The following KIF17 variants were observed in gnomAD, a reference collection of about 807,000 sequenced individuals.
KIF17 encodes the protein kinesin-like protein KIF17.
KIF17 carries 80 observed loss-of-function variants against 96.8 expected under a neutral mutation model. The ratio of observed to expected loss-of-function variants is 0.83; its 90% CI spans 0.69 to 1.00. The LOEUF (loss-of-function observed/expected upper bound fraction) is 1.00, where lower values mean the gene tolerates loss of function less well. Among genes scored for constraint, KIF17 ranks in the 50% least tolerant of loss-of-function variants. KIF17 has a pLI of 0.00. For synonymous variants in KIF17, 567 were observed against 587.5 expected, an observed-to-expected ratio of 0.97 and a Z score of 0.51; for missense variants, 1,280 against 1,372.9, an observed-to-expected ratio of 0.93 and a Z score of 1.07.
chr1:20,691,079 T>C (rs2054032150), intron 6 of KIF17, among the ~76,000 whole-genome samples: 1 of 151,592 alleles, frequency 6.6e-6, no homozygotes, highest in Non-Finnish European at 1.5e-5. Flanking sequence ...GGCAGATCGC[T>C]TGAGGCCAGG....
In KIF17 at chr1:20,704,664, G is replaced by A; in HGVS notation, c.906C>T (p.Gly302=). 1 of 1,614,130 alleles carries A rather than the reference G, an allele frequency of 6.2e-7. No homozygotes were observed. Among genetic ancestry groups the A allele is most frequent in the Non-Finnish European group, 8.5e-7 (1 of 1,179,998 alleles). ...LTRLLQDSLG[G]NTKTLMVACL... is the part of the protein sequence containing the mutation. Reference sequence around the variant, plus strand: ...AGGCCACCATGAGCGTCTTGGTGTTGCCGCCCAGTGAGTCCTGCAGCAGCC... The same window carrying A: ...AGGCCACCATGAGCGTCTTGGTGTTACCGCCCAGTGAGTCCTGCAGCAGCC... The change falls in exon 5 of 15, where the codon GGC becomes GGT. Residue 302 remains glycine (G), a synonymous_variant. Transcript: ENST00000400463. The surrounding 1 kb of genome is among the most constrained non-coding windows in gnomAD (Gnocchi z 6.8).
In KIF17 at chr1:20,665,391, C is replaced by G. The variant is rs545410190; in HGVS notation, c.2909-629G>C. Among the ~76,000 whole-genome samples, 15 of 125,018 alleles carry G rather than the reference C, an allele frequency of 1.2e-4. No homozygotes were observed. In the Admixed American group the frequency reaches 1.3e-3, roughly 11 times the overall value. 82.0% of individuals were successfully genotyped at this position (125,018 alleles called of 152,430 possible). Reference sequence around the variant, plus strand: ...TACAGGCATGCATCACCATACCCAGCTAATTTTTTTTTTTTTTTTTTTTTT... The same window carrying G: ...TACAGGCATGCATCACCATACCCAGGTAATTTTTTTTTTTTTTTTTTTTTT... On this transcript the variant is annotated intron_variant, in intron 14 of 14. Coordinates refer to ENST00000400463, the MANE Select transcript of KIF17 (RefSeq NM_001122819.3).
intron 2 of KIF17, among the ~76,000 whole-genome samples, chr1:20,713,918 T>C (rs543935953): frequency 1.3e-5 from 2 of 151,810 alleles, no homozygotes; most frequent in East Asian, 3.9e-4. Flanking sequence ...GGCGGGGCGC[T>C]GCTCATGCCT....
chr1:20,711,350 G>T (rs1248410304), intron 3 of KIF17, among the ~76,000 whole-genome samples: 1 of 152,130 alleles, frequency 6.6e-6, no homozygotes, highest in Non-Finnish European at 1.5e-5. Context: ...ATGGCCTCAG[G>T]GGTCCCCCTC....
chr1:20,690,352 G>GGGGGGGGGGGGGCCCCC lies in KIF17; in HGVS notation c.1234-18_1234-17insGGGGGCCCCCCCCCCCC. The GGGGGGGGGGGGGCCCCC allele has an allele frequency of 4.4e-6, 2 of 451,166 alleles. No homozygotes were observed. The highest frequency in any genetic ancestry group is 8.5e-6 in the Non-Finnish European group (2 of 235,144). 27.9% of individuals were successfully genotyped at this position (451,166 alleles called of 1,614,324 possible). On this transcript the variant is annotated splice_polypyrimidine_tract_variant and intron_variant, in intron 6 of 14. Transcript: ENST00000400463. ...TTCATACTCCTGGGGGGGTGGGAGG[G>GGGGGGGGGGGGGCCCCC]ACCAGAGGGCAGGCAGCATTTTATC... is the stretch of plus-strand genomic sequence containing the variant.
rs547316161 is a variant in KIF17 at position 20,703,909 on chromosome 1, C to T, written c.1123+538G>A. On this transcript the variant is annotated intron_variant, in intron 5 of 14. Transcript: ENST00000400463. ...TCATGCCACTGCCCTCCAGCCTGGG[C>T]GACAGAGCGAGACTCCGTCTCAAAA... Among the ~76,000 whole-genome samples, 190 of 149,888 alleles carry T rather than the reference C, an allele frequency of 1.3e-3. 1 individual carries two copies. The highest frequency in any genetic ancestry group is 4.2e-3 in the African/African-American group (169 of 40,650).
At chr1:20,682,624 G>T in intron 11 of KIF17, 29 bp downstream of exon 11, 1 of 1,599,050 alleles carries the variant, frequency 6.3e-7, no homozygotes, top group South Asian at 1.1e-5. Flanking sequence ...CTGGGCAGCT[G>T]GGCATGGGGG....
chr1:20,690,119 G>C (rs1570455722), intron 7 of KIF17, 69 bp downstream of exon 7: 2 of 1,551,114 alleles, frequency 1.3e-6, no homozygotes, highest in East Asian at 4.5e-5. Context: ...CTGTGATGCA[G>C]TTACTGCAGT....
chr1:20,707,820 TGTG>T (rs2054369780), intron 4 of KIF17, among the ~76,000 whole-genome samples: 1 of 146,680 alleles, frequency 6.8e-6, no homozygotes, highest in South Asian at 2.1e-4. Context: ...TGTGTGTGTG[TGTG>T]TGTGTGTGTG....
chr1:20,673,652 C>T (rs2053687352), intron 11 of KIF17, among the ~76,000 whole-genome samples: 1 of 151,082 alleles, frequency 6.6e-6, no homozygotes, highest in African/African-American at 2.4e-5. Flanking sequence ...TGCCTCAACT[C>T]CCAAGAAGCT....
Position 20,682,705 on chromosome 1 carries a change from A to G in KIF17, c.2411T>C (p.Ile804Thr). The change falls in exon 11 of 15, where the codon ATC becomes ACC. Residue 804 changes from isoleucine to threonine, a missense_variant. Transcript: ENST00000400463. Reference sequence around the variant, plus strand: ...GCTCTTGGCCCGCACTTCCTCCTGGATGGAGTCGTAGACGTTAAGCAGCAC... The same window carrying G: ...GCTCTTGGCCCGCACTTCCTCCTGGGTGGAGTCGTAGACGTTAAGCAGCAC... ...DWVLLNVYDS[I>T]QEEVRAKSKL... The G allele has an allele frequency of 1.2e-6, 2 of 1,613,860 alleles. No individual in the cohort carries two copies. The highest frequency in any genetic ancestry group is 1.1e-5 in the South Asian group (1 of 91,086).
chr1:20,706,573 A>G (rs1416317327), intron 4 of KIF17, among the ~76,000 whole-genome samples: 8 of 147,298 alleles, frequency 5.4e-5, no homozygotes, highest in African/African-American at 1.5e-4. Flanking sequence ...CCTGGGCGAC[A>G]GAGCAAGATT....
intron 6 of KIF17, among the ~76,000 whole-genome samples, chr1:20,697,969 TG>T (rs2054170988): frequency 6.6e-6 from 1 of 152,186 alleles, no homozygotes; most frequent in Non-Finnish European, 1.5e-5. Context: ...CGTCGGCTGC[TG>T]GGGGACAGAC....
In KIF17 at chr1:20,690,322, C is replaced by T. The variant is rs148294907; in HGVS notation, c.1247G>A (p.Arg416His). 1.6e-4 allele frequency: 219 copies of T among 1,334,058 alleles called. No homozygotes were observed. In the African/African-American group the frequency reaches 2.3e-3, roughly 14 times the overall value. 82.6% of individuals were successfully genotyped at this position (1,334,058 alleles called of 1,614,324 possible). Reference sequence around the variant, plus strand: ...ATAGTCGGCTTTCAGCCGGGCCAGGCGCTCTTCATACTCCTGGGGGGGTGG... The same window carrying T: ...ATAGTCGGCTTTCAGCCGGGCCAGGTGCTCTTCATACTCCTGGGGGGGTGG... ...KQLIREEYEE[R>H]LARLKADYKA... The change falls in exon 7 of 15, where the codon CGC (arginine) becomes CAC (histidine). Residue 416 changes from arginine to histidine, a missense_variant. Transcript: ENST00000400463.
chr1:20,690,894 A>G (rs1354480420), intron 6 of KIF17, among the ~76,000 whole-genome samples: 1 of 151,960 alleles, frequency 6.6e-6, no homozygotes, highest in Non-Finnish European at 1.5e-5. Context: ...TCACTGTGTT[A>G]GCCAGGATGG....
At chr1:20,690,835 C>T (rs796313165) in intron 6 of KIF17, among the ~76,000 whole-genome samples, 29 of 151,252 alleles carry the variant, frequency 1.9e-4, no homozygotes, top group East Asian at 1.2e-3. Flanking sequence ...TACAAGCATC[C>T]GCCACCACGC....
intron 10 of KIF17, among the ~76,000 whole-genome samples, chr1:20,683,792 G>A (rs2053877053): frequency 6.6e-6 from 1 of 152,168 alleles, no homozygotes; most frequent in African/African-American, 2.4e-5. Context: ...TTTCACTCAC[G>A]GCTGGCACGT....
chr1:20,697,688 C>T (rs940006392), intron 6 of KIF17, among the ~76,000 whole-genome samples: 1 of 152,222 alleles, frequency 6.6e-6, no homozygotes, highest in Non-Finnish European at 1.5e-5. Context: ...CAGGATGCAG[C>T]ATTTAGGCGG....
chr1:20,670,818 C>G (rs1484202905), intron 12 of KIF17, among the ~76,000 whole-genome samples: 1 of 152,154 alleles, frequency 6.6e-6, no homozygotes, highest in African/African-American at 2.4e-5. Context: ...TGTCAATAAA[C>G]ATCAGAGATG....
Sources: gnomAD v4.1 joint callset for allele counts (sites outside exome capture counted in the v4.1 genomes callset) on GRCh38, gnomAD v4.1.1 for gene constraint, Gnocchi (gnomAD v3.1) non-coding constraint, MANE v1.5 for transcripts, NCBI Gene and HGNC (gene_info 2026-07-23, HGNC 2026-07-21) for gene names.